TEC: variants seen among roughly 807,000 people sequenced by gnomAD.
The protein encoded by TEC is tyrosine-protein kinase Tec.
In TEC, 72 loss-of-function variants were observed where a neutral mutation model predicts 93.0. That is an observed-to-expected ratio of 0.77 (90% confidence interval 0.64 to 0.94). The LOEUF (loss-of-function observed/expected upper bound fraction) is 0.94, where lower values mean the gene tolerates loss of function less well. Among genes scored for constraint, TEC ranks in the 40% least tolerant of loss-of-function variants. The probability of loss-of-function intolerance (pLI) is 0.00; values close to 1 mark genes in which losing one functional copy is unlikely to be tolerated. For synonymous variants in TEC, 249 were observed against 247.7 expected (o/e 1.01, Z -0.05); for missense variants, 630 against 757.9 (o/e 0.83, Z 1.98).
chr4:48,193,154 T>C (rs552522574), intron 2 of TEC, among the ~76,000 whole-genome samples: 1 of 112,706 alleles, frequency 8.9e-6, no homozygotes, highest in South Asian at 2.8e-4. Context: ...TCTTTTCCTT[T>C]TTTTCTGATT....
intron 2 of TEC, among the ~76,000 whole-genome samples, chr4:48,194,036 C>G (rs979615253): frequency 5.3e-5 from 8 of 152,168 alleles, no homozygotes; most frequent in Admixed American, 3.9e-4. Flanking sequence ...CAAGGGGGAA[C>G]ACCATTCCCA....
At chr4:48,259,715 CA>C (rs5858111) in intron 1 of TEC, among the ~76,000 whole-genome samples, 61,022 of 117,856 alleles carry the variant, frequency 0.52, 12,807 homozygotes, top group East Asian at 0.56. Context: ...GACTTTGTCT[CA>C]AAAAAAAAAA....
chr4:48,225,021 C>A (rs1190739873), intron 2 of TEC, among the ~76,000 whole-genome samples: 1 of 152,070 alleles, frequency 6.6e-6, no homozygotes, highest in Non-Finnish European at 1.5e-5. Flanking sequence ...GAACTATGAA[C>A]AATAAAAATA....
At chr4:48,140,980 A>C (rs1719633121) in intron 15 of TEC, among the ~76,000 whole-genome samples, 1 of 152,194 alleles carries the variant, frequency 6.6e-6, no homozygotes, top group South Asian at 2.1e-4. Flanking sequence ...GAATGAATGG[A>C]TAGACGGAGG....
At chr4:48,267,804 T>A (rs2109684040) in intron 1 of TEC, among the ~76,000 whole-genome samples, 1 of 151,992 alleles carries the variant, frequency 6.6e-6, no homozygotes, top group Non-Finnish European at 1.5e-5. Flanking sequence ...AACAACATGG[T>A]GATTTGTCTA....
At chr4:48,168,722 C>A in intron 5 of TEC, 96 bp from the exon 6 acceptor site, 9 of 1,315,106 alleles carry the variant, frequency 6.8e-6, no homozygotes, top group Non-Finnish European at 9.6e-6. Flanking sequence ...TGGAAGTTAA[C>A]ACATAGACAA....
chr4:48,265,479 G>A (rs1169799881), intron 1 of TEC, among the ~76,000 whole-genome samples: 1 of 107,450 alleles, frequency 9.3e-6, no homozygotes, highest in Non-Finnish European at 1.9e-5. Context: ...ACATATATAC[G>A]TGTGTGTATA....
At chr4:48,185,885 C>A (rs1721815012) in intron 2 of TEC, among the ~76,000 whole-genome samples, 1 of 150,632 alleles carries the variant, frequency 6.6e-6, no homozygotes, top group Admixed American at 6.6e-5. Context: ...CGGTCTCCCT[C>A]TGATGCCACC....
At chr4:48,242,336 T>A (rs1469004464) in intron 1 of TEC, among the ~76,000 whole-genome samples, 1 of 152,250 alleles carries the variant, frequency 6.6e-6, no homozygotes, top group East Asian at 1.9e-4. Context: ...ATATTTGGCC[T>A]GATCTAGCAC....
chr4:48,220,198 T>C (rs1723216195), intron 2 of TEC, among the ~76,000 whole-genome samples: 2 of 151,420 alleles, frequency 1.3e-5, no homozygotes, highest in South Asian at 2.1e-4. Flanking sequence ...ATCTCTAGGA[T>C]ATCCAGTGCA....
At position 48,170,842 on chromosome 4, in the gene TEC, G is replaced by T. The variant is rs188719652; in HGVS notation, c.326-466C>A. 3.6e-3 allele frequency among the ~76,000 whole-genome samples: 551 copies of T among 152,244 alleles called. 3 individuals are homozygous for T. Among genetic ancestry groups the T allele is most frequent in the Non-Finnish European group, 6.0e-3 (409 of 68,008 alleles). On this transcript the variant is annotated intron_variant, in intron 4 of 17. Transcript: ENST00000381501. The stretch of plus-strand genomic sequence containing the variant: ...GAGGTGGGCAGATCACCTGAGGTCG[G>T]GAGTTCAAGGCCAGCCTGGCCAACA...
intron 12 of TEC, among the ~76,000 whole-genome samples, chr4:48,146,076 A>T (rs1719894658): frequency 6.6e-6 from 1 of 152,196 alleles, no homozygotes; most frequent in Non-Finnish European, 1.5e-5. Flanking sequence ...AAGGGCTTTG[A>T]TTTATTTTAG....
chr4:48,195,380 C>T (rs779516901), intron 2 of TEC, among the ~76,000 whole-genome samples: 58 of 152,092 alleles, frequency 3.8e-4, no homozygotes, highest in Non-Finnish European at 5.6e-4. Flanking sequence ...GAAAAAGAGC[C>T]CATCATAAAC....
intron 2 of TEC, among the ~76,000 whole-genome samples, chr4:48,186,932 T>A (rs1577734909): frequency 6.6e-6 from 1 of 152,242 alleles, no homozygotes; most frequent in South Asian, 2.1e-4. Context: ...CTGGGAGGTG[T>A]ACCCAACAGC....
intron 2 of TEC, among the ~76,000 whole-genome samples, chr4:48,209,341 C>T (rs564663156): frequency 1.4e-4 from 22 of 152,062 alleles, no homozygotes; most frequent in Non-Finnish European, 2.2e-4. Flanking sequence ...AATTTGTAGG[C>T]AGGCACAGTA....
intron 2 of TEC, among the ~76,000 whole-genome samples, chr4:48,201,071 G>A (rs938518632): frequency 6.6e-6 from 1 of 152,222 alleles, no homozygotes; most frequent in Non-Finnish European, 1.5e-5. Context: ...TGGTGGTTTG[G>A]ATCATGGTGG....
chr4:48,229,936 A>C (rs977128237), intron 1 of TEC, among the ~76,000 whole-genome samples: 3 of 150,030 alleles, frequency 2.0e-5, no homozygotes, highest in Admixed American at 2.0e-4. Flanking sequence ...TTAGCTGGAC[A>C]TGGTGGCAGG....
At chr4:48,253,682 C>T (rs1033675984) in intron 1 of TEC, among the ~76,000 whole-genome samples, 8 of 149,626 alleles carry the variant, frequency 5.3e-5, no homozygotes, top group African/African-American at 2.0e-4. Context: ...TCAAACAATT[C>T]TCCTGCCTCA....
intron 1 of TEC, among the ~76,000 whole-genome samples, chr4:48,256,788 A>C (rs1160285417): frequency 6.6e-6 from 1 of 152,138 alleles, no homozygotes; most frequent in Non-Finnish European, 1.5e-5. Flanking sequence ...TTCTGGGCAT[A>C]GGCAGGGAAA....
Sources: allele counts gnomAD v4.1 joint callset (sites outside exome capture counted in the v4.1 genomes callset), GRCh38; gene constraint gnomAD v4.1.1; transcripts MANE v1.5; gene names NCBI Gene and HGNC (gene_info 2026-07-23, HGNC 2026-07-21).